Variants in TSHZ2 observed in about 807,000 individuals in gnomAD.
The protein encoded by TSHZ2 is teashirt homolog 2.
In TSHZ2, 21 loss-of-function variants were observed where a neutral mutation model predicts 74.4. The observed-to-expected ratio is 0.28, with a 90% confidence interval of 0.20 to 0.41. The LOEUF (loss-of-function observed/expected upper bound fraction) is 0.41, where lower values mean the gene tolerates loss of function less well. TSHZ2 is among the 10% of genes least tolerant of loss of function. The pLI is 1.00. For missense variants in TSHZ2, 1,244 were observed against 1,293.5 expected (o/e 0.96, Z 0.59); for synonymous variants, 540 against 515.3 (o/e 1.05, Z -0.65).
rs1271051521 is a variant in TSHZ2, at chr20:53,256,946, C to T, written c.*8+375C>T. On this transcript the variant is annotated intron_variant, in intron 2 of 2. Coordinates refer to ENST00000371497, the MANE Select transcript of TSHZ2 (RefSeq NM_173485.6). The surrounding 1 kb of genome is among the most constrained non-coding windows in gnomAD (Gnocchi z 4.3). ...CTGTCACCATTCCATTTCACCACCCCACCTTTCCATAGCAATGCCAATGAC... is the reference window on the plus strand; with the variant it reads ...CTGTCACCATTCCATTTCACCACCCTACCTTTCCATAGCAATGCCAATGAC... Among the ~76,000 whole-genome samples the T allele has an allele frequency of 6.6e-6, 1 of 152,162 alleles. No homozygotes were observed. The highest frequency in any genetic ancestry group is 1.5e-5 in the Non-Finnish European group (1 of 68,030).
intron 2 of TSHZ2, among the ~76,000 whole-genome samples, chr20:53,473,866 A>G (rs7361247): frequency 0.2 from 30,591 of 151,982 alleles, 3,225 homozygotes; most frequent in East Asian, 0.29. Context: ...GAAGGCAGAA[A>G]CCTCAGGAAG....
intron 1 of TSHZ2, among the ~76,000 whole-genome samples, chr20:53,231,556 G>T (rs944394760): frequency 1.3e-5 from 2 of 152,178 alleles, no homozygotes; most frequent in African/African-American, 4.8e-5. Flanking sequence ...GGTCATCAAT[G>T]GGTAGTTGTG....
At chr20:53,453,349 G>A (rs973795132) in intron 2 of TSHZ2, among the ~76,000 whole-genome samples, 1 of 152,126 alleles carries the variant, frequency 6.6e-6, no homozygotes, top group African/African-American at 2.4e-5. Context: ...TTTTCTCTAC[G>A]AACACATTGT....
intron 1 of TSHZ2, among the ~76,000 whole-genome samples, chr20:53,113,900 C>G (rs1356445619): frequency 1.3e-5 from 2 of 151,974 alleles, no homozygotes; most frequent in African/African-American, 4.8e-5. Context: ...AGCAGTGGCT[C>G]TTTGACACCT....
chr20:53,066,012 C>T (rs947593679), intron 1 of TSHZ2, among the ~76,000 whole-genome samples: 1 of 152,194 alleles, frequency 6.6e-6, no homozygotes, highest in Admixed American at 6.5e-5. Context: ...AGCTCCCTTT[C>T]TGCTCACCGA....
intron 2 of TSHZ2, among the ~76,000 whole-genome samples, chr20:53,479,169 TAAAAAAA>T (rs71194483): frequency 7.9e-6 from 1 of 126,256 alleles, no homozygotes; most frequent in Non-Finnish European, 1.7e-5. Flanking sequence ...TGTCTCAATT[TAAAAAAA>T]AAAAAAAAAA....
chr20:53,349,760 A>G (rs1391546425), intron 2 of TSHZ2, among the ~76,000 whole-genome samples: 2 of 152,178 alleles, frequency 1.3e-5, no homozygotes, highest in African/African-American at 4.8e-5. Flanking sequence ...TTTTAATGCA[A>G]TCTTCAGTGG....
chr20:53,039,085 C>T (rs946130302), intron 1 of TSHZ2, among the ~76,000 whole-genome samples: 26 of 151,268 alleles, frequency 1.7e-4, no homozygotes, highest in African/African-American at 6.4e-4. Flanking sequence ...AGGGTTTCTC[C>T]GTGTTGGTCA....
chr20:53,260,278 G>A (rs893462170), intron 2 of TSHZ2, among the ~76,000 whole-genome samples: 9 of 152,190 alleles, frequency 5.9e-5, no homozygotes, highest in Non-Finnish European at 8.8e-5. Context: ...ACAAACAGCC[G>A]TATGAAGTAG....
intron 2 of TSHZ2, among the ~76,000 whole-genome samples, chr20:53,324,617 C>T (rs773756115): frequency 6.6e-5 from 10 of 152,106 alleles, no homozygotes; most frequent in Non-Finnish European, 1.2e-4. Flanking sequence ...CTCAAGTGAT[C>T]CACCCACCTC....
intron 2 of TSHZ2, among the ~76,000 whole-genome samples, chr20:53,478,706 TA>T (rs1029094440): frequency 1.3e-5 from 2 of 150,982 alleles, no homozygotes; most frequent in Admixed American, 6.6e-5. Context: ...GTTATCAGAT[TA>T]AAAAAAAGAA....
intron 1 of TSHZ2, among the ~76,000 whole-genome samples, chr20:53,015,803 T>C (rs566049316): frequency 6.6e-6 from 1 of 151,682 alleles, no homozygotes; most frequent in South Asian, 2.1e-4. Context: ...GATGGGAGGG[T>C]GAGAAGTGGG....
intron 1 of TSHZ2, among the ~76,000 whole-genome samples, chr20:53,085,720 C>G (rs1985678709): frequency 6.6e-6 from 1 of 152,186 alleles, no homozygotes; most frequent in South Asian, 2.1e-4. Flanking sequence ...GATTTAAACC[C>G]AGGTGGTCTA....
intron 1 of TSHZ2, among the ~76,000 whole-genome samples, chr20:53,057,519 C>A (rs1165485601): frequency 6.6e-6 from 1 of 152,056 alleles, no homozygotes; most frequent in African/African-American, 2.4e-5. Flanking sequence ...TTTAAGAAAT[C>A]ATAATAATTC....
At chr20:53,034,210 G>T (rs930744692) in intron 1 of TSHZ2, among the ~76,000 whole-genome samples, 1 of 152,292 alleles carries the variant, frequency 6.6e-6, no homozygotes, top group Non-Finnish European at 1.5e-5. Context: ...TACAAATCAG[G>T]CTTGGAAACA....
chr20:53,140,343 A>G (rs1987358733), intron 1 of TSHZ2, among the ~76,000 whole-genome samples: 1 of 151,942 alleles, frequency 6.6e-6, no homozygotes, highest in Admixed American at 6.6e-5. Flanking sequence ...GATCGGGACC[A>G]TCCTGGCTAA....
chr20:53,360,012 C>T (rs1182386484), intron 2 of TSHZ2, among the ~76,000 whole-genome samples: 2 of 152,200 alleles, frequency 1.3e-5, no homozygotes. Context: ...GGCAGCCAAT[C>T]AGCTCCTACA....
At position 53,387,183 on chromosome 20, in the gene TSHZ2, G is replaced by A. The variant is rs191282070; in HGVS notation, c.*9-99961G>A. 2.6e-5 allele frequency among the ~76,000 whole-genome samples: 4 copies of A among 152,240 alleles called. No homozygotes were observed. The East Asian group carries it at 5.8e-4, about 22-fold the overall frequency. On this transcript the variant is annotated intron_variant, in intron 2 of 2. Coordinates refer to ENST00000371497, the MANE Select transcript of TSHZ2 (RefSeq NM_173485.6). Reference sequence around the variant, plus strand: ...TCCCAAAGCCAATTCCCGGCATACCGAGCTCCACGGGATCTCACTTTCCAC... The same window carrying A: ...TCCCAAAGCCAATTCCCGGCATACCAAGCTCCACGGGATCTCACTTTCCAC...
At chr20:53,470,812 C>CA (rs959926087) in intron 2 of TSHZ2, among the ~76,000 whole-genome samples, 13 of 142,782 alleles carry the variant, frequency 9.1e-5, no homozygotes, top group Non-Finnish European at 1.2e-4. Flanking sequence ...AAATCCATCT[C>CA]AAAAAAAATA....
Sources: allele counts gnomAD v4.1 joint callset (sites outside exome capture counted in the v4.1 genomes callset), GRCh38; gene constraint gnomAD v4.1.1; non-coding constraint Gnocchi (gnomAD v3.1); transcripts MANE v1.5; gene names NCBI Gene and HGNC (gene_info 2026-07-23, HGNC 2026-07-21).